ANO2: variants seen among roughly 807,000 people sequenced by gnomAD.
ANO2 encodes the protein anoctamin 2.
ANO2 carries 101 observed loss-of-function variants against 124.2 expected under a neutral mutation model. The ratio of observed to expected loss-of-function variants is 0.81; its 90% CI spans 0.69 to 0.96. The LOEUF (loss-of-function observed/expected upper bound fraction) is 0.96. ANO2 is among the 40% of genes least tolerant of loss of function. The probability of loss-of-function intolerance (pLI) is 0.00; values close to 1 mark genes in which losing one functional copy is unlikely to be tolerated. For missense variants in ANO2, 1,293 were observed against 1,274.5 expected, an observed-to-expected ratio of 1.01 and a Z score of -0.22; for synonymous variants, 486 against 482.5, an observed-to-expected ratio of 1.01 and a Z score of -0.09.
chr12:5,926,078 G>T (rs1248403457), intron 1 of ANO2, among the ~76,000 whole-genome samples: 1 of 152,204 alleles, frequency 6.6e-6, no homozygotes, highest in Non-Finnish European at 1.5e-5. Context: ...TCCAAAACAG[G>T]ATTCTTTTTC....
At chr12:5,610,611 AT>A (rs1944470954) in intron 19 of ANO2, among the ~76,000 whole-genome samples, 1 of 142,932 alleles carries the variant, frequency 7.0e-6, no homozygotes, top group African/African-American at 2.5e-5. Flanking sequence ...TTATATTTAT[AT>A]ATGTATATAT....
intron 10 of ANO2, among the ~76,000 whole-genome samples, chr12:5,797,880 G>A (rs897801488): frequency 2.0e-5 from 3 of 152,192 alleles, no homozygotes; most frequent in South Asian, 2.1e-4. Flanking sequence ...CTCAGGAACC[G>A]CCAGGCCCCA....
chr12:5,685,822 C>T (rs1166416663), intron 14 of ANO2, among the ~76,000 whole-genome samples: 9 of 151,726 alleles, frequency 5.9e-5, no homozygotes, highest in Admixed American at 4.6e-4. Flanking sequence ...AACACAAAAC[C>T]GGGACGACTG....
intron 4 of ANO2, among the ~76,000 whole-genome samples, chr12:5,838,576 C>A (rs1954403008): frequency 6.6e-6 from 1 of 152,150 alleles, no homozygotes; most frequent in Admixed American, 6.5e-5. Flanking sequence ...GTGTGTGTTA[C>A]CTGTTCCTGA....
chr12:5,742,505 C>T (rs934480966), intron 12 of ANO2, among the ~76,000 whole-genome samples: 2 of 151,920 alleles, frequency 1.3e-5, no homozygotes, highest in Admixed American at 6.6e-5. Context: ...CTGAGGATCT[C>T]GGAAGGGGTG....
In ANO2 at chr12:5,722,210, A is replaced by G. The variant is rs555428323; in HGVS notation, c.1545+10310T>C. 1.6e-4 allele frequency among the ~76,000 whole-genome samples: 25 copies of G among 152,288 alleles called. No homozygotes were observed. The South Asian group carries it at 4.8e-3, about 29-fold the overall frequency. Reference sequence around the variant, plus strand: ...AGCTTCACTAAAACATGATGACATTAAAAAACAAAGTACTGGCCGGGCACG... The same window carrying G: ...AGCTTCACTAAAACATGATGACATTGAAAAACAAAGTACTGGCCGGGCACG... On this transcript the variant is annotated intron_variant, in intron 14 of 24. Transcript: ENST00000682330.
At chr12:5,631,038 G>A (rs1945692902) in intron 16 of ANO2, among the ~76,000 whole-genome samples, 1 of 152,188 alleles carries the variant, frequency 6.6e-6, no homozygotes, top group South Asian at 2.1e-4. Flanking sequence ...GTGTGCAGCA[G>A]AGACCCCTGC....
In ANO2 at chr12:5,830,446, G is replaced by C. The variant is rs769882345; in HGVS notation, c.829C>G (p.Arg277Gly). The change falls in exon 6 of 25, where the codon CGC becomes GGC. Residue 277 changes from arginine to glycine, a missense_variant. Physicochemically the swap from Arg to Gly is moderately radical, Grantham distance 125 (BLOSUM62 -2). Coordinates refer to ENST00000682330, the MANE Select transcript of ANO2 (RefSeq NM_001364791.2). ...ATCCATTTACTTACAATGCGGCTGC[G>C]GGTGGCATTATCAAAGAAGGTGTCC... ...EKDTFFDNAT[R>G]SRIVHEILKR... 6.2e-7 allele frequency: 1 copy of C among 1,612,660 alleles called. No individual in the cohort carries two copies. Among genetic ancestry groups the C allele is most frequent in the East Asian group, 2.2e-5 (1 of 44,862 alleles).
chr12:5,917,714 C>T (rs1941466252), intron 3 of ANO2, among the ~76,000 whole-genome samples: 1 of 151,672 alleles, frequency 6.6e-6, no homozygotes, highest in Non-Finnish European at 1.5e-5. Context: ...ACTACAGATG[C>T]GCACCACCAC....
intron 3 of ANO2, among the ~76,000 whole-genome samples, chr12:5,894,714 G>A (rs1160823208): frequency 6.6e-6 from 1 of 152,188 alleles, no homozygotes; most frequent in Non-Finnish European, 1.5e-5. Flanking sequence ...CATATGGCTA[G>A]CCAGTTTTCC....
chr12:5,799,590 G>C lies in ANO2; in HGVS notation c.991-19C>G. Reference sequence around the variant, plus strand: ...ATAGCAGCTAAACAAAGAAAATAAGGAAACAGGTTAGAGGTAGAGATGGGA... The same window carrying C: ...ATAGCAGCTAAACAAAGAAAATAAGCAAACAGGTTAGAGGTAGAGATGGGA... On this transcript the variant is annotated intron_variant, in intron 9 of 24. Transcript: ENST00000682330. 1 of 1,611,590 alleles carries C rather than the reference G, an allele frequency of 6.2e-7. No individual in the cohort carries two copies. The highest frequency in any genetic ancestry group is 2.2e-5 in the East Asian group (1 of 44,866).
intron 4 of ANO2, among the ~76,000 whole-genome samples, chr12:5,837,762 A>G (rs1287577773): frequency 5.3e-5 from 8 of 151,858 alleles, no homozygotes; most frequent in African/African-American, 1.9e-4. Context: ...AGAAAGCAGG[A>G]AAGATCCAAA....
At chr12:5,632,246 C>A (rs1024285008) in intron 16 of ANO2, among the ~76,000 whole-genome samples, 16 of 151,954 alleles carry the variant, frequency 1.1e-4, no homozygotes, top group Admixed American at 9.2e-4. Context: ...ACAATGCTCA[C>A]TGGGGTTCCT....
At position 5,858,990 on chromosome 12, in the gene ANO2, T is replaced by C. The variant is rs892606933; in HGVS notation, c.535-4849A>G. Reference sequence around the variant, plus strand: ...CCTAAAGGAAATCACAGGTTCAAAATACAGTGCATCTCCAGAATTTGGGGA... The same window carrying C: ...CCTAAAGGAAATCACAGGTTCAAAACACAGTGCATCTCCAGAATTTGGGGA... On this transcript the variant is annotated intron_variant, in intron 3 of 24. Transcript: ENST00000682330. 3.9e-5 allele frequency among the ~76,000 whole-genome samples: 6 copies of C among 152,290 alleles called. No individual in the cohort carries two copies. In the East Asian group the frequency reaches 9.6e-4, roughly 24 times the overall value.
At chr12:5,795,569 T>C (rs1952821218) in intron 10 of ANO2, among the ~76,000 whole-genome samples, 1 of 152,208 alleles carries the variant, frequency 6.6e-6, no homozygotes, top group South Asian at 2.1e-4. Flanking sequence ...ACCCTCTCTT[T>C]CCCATGCTGT....
At chr12:5,797,993 C>T (rs1270385477) in intron 10 of ANO2, among the ~76,000 whole-genome samples, 1 of 152,110 alleles carries the variant, frequency 6.6e-6, no homozygotes, top group Non-Finnish European at 1.5e-5. Flanking sequence ...TAGCTGGCAG[C>T]GAGTCACCTG....
chr12:5,694,634 G>A lies in ANO2; in HGVS notation c.1545+37886C>T, dbSNP rs948706220. Among the ~76,000 whole-genome samples the A allele has an allele frequency of 7.2e-5, 11 of 152,226 alleles. No homozygotes were observed. In the South Asian group the frequency reaches 2.3e-3, roughly 32 times the overall value. Reference sequence around the variant, plus strand: ...AGCCTGAGAGTAGTTCTAAAATCTGGCTATTCATCAGAATATCGATTTCAA... The same window carrying A: ...AGCCTGAGAGTAGTTCTAAAATCTGACTATTCATCAGAATATCGATTTCAA... On this transcript the variant is annotated intron_variant, in intron 14 of 24. Transcript: ENST00000682330.
intron 14 of ANO2, among the ~76,000 whole-genome samples, chr12:5,698,550 C>T (rs1337105452): frequency 1.3e-5 from 2 of 152,154 alleles, no homozygotes; most frequent in African/African-American, 4.8e-5. Context: ...TCTTCTCCTC[C>T]AAAGGAACGC....
chr12:5,870,329 A>G (rs1955539841), intron 3 of ANO2: 1 of 152,206 alleles, frequency 6.6e-6, no homozygotes, highest in Admixed American at 6.5e-5. Context: ...AGCCCAGGGC[A>G]GTGGGGGAAA....
Sources: gnomAD v4.1 joint callset for allele counts (sites outside exome capture counted in the v4.1 genomes callset) on GRCh38, gnomAD v4.1.1 for gene constraint, MANE v1.5 for transcripts, NCBI Gene and HGNC (gene_info 2026-07-23, HGNC 2026-07-21) for gene names.